The following NRG1 variants were observed in gnomAD, a reference collection of about 807,000 sequenced individuals.
NRG1 encodes the protein pro-neuregulin-1, membrane-bound isoform.
Under a neutral mutation model 63.8 loss-of-function variants are expected in NRG1, and 18 were observed. The ratio of observed to expected loss-of-function variants is 0.28; its 90% CI spans 0.19 to 0.42. The LOEUF (loss-of-function observed/expected upper bound fraction) is 0.42. Ranked by LOEUF, NRG1 falls within the 10% of genes least tolerant of loss-of-function variation. The pLI, the probability that NRG1 is intolerant of heterozygous loss-of-function variation, is 1.00. For missense variants in NRG1, 762 were observed against 814.7 expected, an observed-to-expected ratio of 0.94 and a Z score of 0.79; for synonymous variants, 302 against 301.3, an observed-to-expected ratio of 1.00 and a Z score of -0.02.
intron 1 of NRG1, among the ~76,000 whole-genome samples, chr8:31,691,920 C>T (rs1034397618): frequency 6.6e-6 from 1 of 152,070 alleles, no homozygotes; most frequent in South Asian, 2.1e-4. Flanking sequence ...GCAGTCTCGA[C>T]CTCCTGGGCT....
intron 5 of NRG1, among the ~76,000 whole-genome samples, chr8:32,669,053 T>A (rs1804957046): frequency 6.6e-6 from 1 of 152,214 alleles, no homozygotes; most frequent in African/African-American, 2.4e-5. Flanking sequence ...GAAACTCAAG[T>A]GATATTTAGA....
At chr8:32,220,855 G>A (rs1190437964) in intron 1 of NRG1, 1 of 152,230 alleles carries the variant, frequency 6.6e-6, no homozygotes. Flanking sequence ...CGTCCCTCGG[G>A]TAGAGCCAAT....
At chr8:32,587,907 G>GC (rs1841894042) in intron 1 of NRG1, among the ~76,000 whole-genome samples, 1 of 129,250 alleles carries the variant, frequency 7.7e-6, no homozygotes, top group Non-Finnish European at 1.7e-5. Flanking sequence ...GTACATGTGG[G>GC]TTTTTTTGTT....
chr8:32,282,964 G>A (rs553420615), intron 1 of NRG1, among the ~76,000 whole-genome samples: 18 of 152,148 alleles, frequency 1.2e-4, no homozygotes, highest in Non-Finnish European at 2.1e-4. Flanking sequence ...TATATATGTG[G>A]TTTTGATCAT....
rs1324599949 is a variant in NRG1, at chr8:32,366,673, GTGTGTA to G, written c.38-229153_38-229148del. 6.4e-3 allele frequency among the ~76,000 whole-genome samples: 276 copies of G among 42,960 alleles called. 1 individual carries two copies. The highest frequency in any genetic ancestry group is 0.024 in the African/African-American group (271 of 11,450). The allele number at this position is 42,960 out of a possible 152,430, so 28.2% of individuals were successfully genotyped here. A position where few individuals can be genotyped will look rare whatever the true frequency, so the allele number is the denominator to read the frequency against. On this transcript the variant is annotated intron_variant, in intron 1 of 10. Transcript: ENST00000519301. ...ATATATTGTGTGTGTGTGTGTGTGT[GTGTGTA>G]TATATATATATATATATATATATAT...
At chr8:31,715,038 A>G (rs1003465048) in intron 1 of NRG1, among the ~76,000 whole-genome samples, 5 of 152,108 alleles carry the variant, frequency 3.3e-5, no homozygotes, top group African/African-American at 1.2e-4. Context: ...TTCTTTTACC[A>G]GTGACATTTC....
At chr8:31,865,034 C>A (rs1198730189) in intron 1 of NRG1, among the ~76,000 whole-genome samples, 1 of 152,158 alleles carries the variant, frequency 6.6e-6, no homozygotes, top group East Asian at 1.9e-4. Context: ...TTTCCCATTT[C>A]TCAGGTAAGG....
chr8:32,182,907 C>T (rs867675476), intron 1 of NRG1, among the ~76,000 whole-genome samples: 2 of 152,054 alleles, frequency 1.3e-5, no homozygotes, highest in Admixed American at 6.5e-5. Context: ...AATTTCAAAA[C>T]GTTTCATTTT....
intron 1 of NRG1, among the ~76,000 whole-genome samples, chr8:32,469,957 A>T (rs1182923976): frequency 6.6e-6 from 1 of 151,700 alleles, no homozygotes; most frequent in African/African-American, 2.4e-5. Flanking sequence ...TCCCTGGTTC[A>T]AGCGATTCTC....
chr8:32,156,232 C>T (rs1483522043), intron 1 of NRG1, among the ~76,000 whole-genome samples: 1 of 152,186 alleles, frequency 6.6e-6, no homozygotes, highest in East Asian at 1.9e-4. Context: ...AATGCTCCTC[C>T]ATGATTTACC....
chr8:32,703,664 CT>C (rs1407726340), intron 5 of NRG1, among the ~76,000 whole-genome samples: 1 of 152,138 alleles, frequency 6.6e-6, no homozygotes, highest in Non-Finnish European at 1.5e-5. Flanking sequence ...GACATGGCTT[CT>C]TTTAGAATAC....
Position 32,348,798 on chromosome 8 carries a change from T to G in NRG1, c.38-247030T>G, listed in dbSNP as rs545589995. 2.0e-3 allele frequency among the ~76,000 whole-genome samples: 305 copies of G among 152,344 alleles called. 8 individuals are homozygous for G. The highest frequency in any genetic ancestry group is 0.02 in the Admixed American group (303 of 15,304). ...GCATTCCAAGGTAAAAACAACTGTT[T>G]GAAAAGTTACCTTTTAAACAAATCC... On this transcript the variant is annotated intron_variant, in intron 1 of 10. Coordinates refer to the NRG1 transcript ENST00000519301.
intron 1 of NRG1, among the ~76,000 whole-genome samples, chr8:31,981,833 A>G (rs1484486526): frequency 6.6e-6 from 1 of 152,062 alleles, no homozygotes; most frequent in East Asian, 1.9e-4. Flanking sequence ...TTACAAAAAA[A>G]AAGGAATATG....
At chr8:32,732,775 A>G (rs1286634946) in intron 6 of NRG1, among the ~76,000 whole-genome samples, 1 of 150,788 alleles carries the variant, frequency 6.6e-6, no homozygotes, top group African/African-American at 2.4e-5. Flanking sequence ...CTGTTTTAAC[A>G]GACTGTGTTA....
At chr8:31,774,220 C>T (rs980230964) in intron 1 of NRG1, among the ~76,000 whole-genome samples, 2 of 152,036 alleles carry the variant, frequency 1.3e-5, no homozygotes, top group African/African-American at 4.8e-5. Flanking sequence ...CTCTACTGGG[C>T]ACTTCATATT....
At chr8:32,188,471 G>A (rs1250320688) in intron 1 of NRG1, among the ~76,000 whole-genome samples, 1 of 152,178 alleles carries the variant, frequency 6.6e-6, no homozygotes, top group Non-Finnish European at 1.5e-5. Flanking sequence ...TCCAGAACCT[G>A]TGAGAATATG....
chr8:32,670,732 C>T (rs576542355), intron 5 of NRG1, among the ~76,000 whole-genome samples: 2 of 152,258 alleles, frequency 1.3e-5, no homozygotes, highest in African/African-American at 4.8e-5. Context: ...GCATTTGCTA[C>T]AGGAGTGAAC....
At chr8:32,760,112 T>C (rs1830422912) in intron 10 of NRG1, 88 bp from the exon 11 acceptor site, 5 of 1,477,924 alleles carry the variant, frequency 3.4e-6, no homozygotes, top group Non-Finnish European at 4.7e-6. Flanking sequence ...GTTTGAAACA[T>C]TTGTCAGAAT....
intron 1 of NRG1, among the ~76,000 whole-genome samples, chr8:32,397,885 C>T (rs1419143021): frequency 6.6e-6 from 1 of 152,124 alleles, no homozygotes; most frequent in Non-Finnish European, 1.5e-5. Context: ...AAGTATCATC[C>T]ATCTGATTAT....
Sources: allele counts gnomAD v4.1 joint callset (sites outside exome capture counted in the v4.1 genomes callset), GRCh38; gene constraint gnomAD v4.1.1; transcripts MANE v1.5; gene names NCBI Gene and HGNC (gene_info 2026-07-23, HGNC 2026-07-21).